Variants in ZBTB7C observed in about 807,000 individuals in gnomAD.
The protein encoded by ZBTB7C is zinc finger and BTB domain containing 7C.
ZBTB7C carries 8 observed loss-of-function variants against 25.7 expected under a neutral mutation model. The ratio of observed to expected loss-of-function variants is 0.31; its 90% CI spans 0.18 to 0.56. The LOEUF is 0.56. Among genes scored for constraint, ZBTB7C ranks in the 20% least tolerant of loss-of-function variants. The pLI is 0.91. For synonymous variants in ZBTB7C, 394 were observed against 369.0 expected, an observed-to-expected ratio of 1.07 and a Z score of -0.78; for missense variants, 824 against 855.2, an observed-to-expected ratio of 0.96 and a Z score of 0.46.
intron 3 of ZBTB7C, among the ~76,000 whole-genome samples, chr18:48,075,122 G>A (rs2037711401): frequency 6.6e-6 from 1 of 152,184 alleles, no homozygotes; most frequent in Non-Finnish European, 1.5e-5. Flanking sequence ...ACTTCCATGT[G>A]TTTTCTCAAC....
At chr18:48,174,818 T>G (rs1337022274) in intron 3 of ZBTB7C, among the ~76,000 whole-genome samples, 1 of 152,232 alleles carries the variant, frequency 6.6e-6, no homozygotes, top group East Asian at 1.9e-4. Context: ...CCTACCTATC[T>G]ATCTATATAT....
At chr18:48,311,223 C>T (rs1457052862) in intron 2 of ZBTB7C, among the ~76,000 whole-genome samples, 1 of 152,216 alleles carries the variant, frequency 6.6e-6, no homozygotes, top group Non-Finnish European at 1.5e-5. Flanking sequence ...TTCTCACCCC[C>T]TGCCTGCCCG....
At chr18:48,273,884 TA>T (rs1158018883) in intron 2 of ZBTB7C, among the ~76,000 whole-genome samples, 15 of 151,870 alleles carry the variant, frequency 9.9e-5, no homozygotes, top group Admixed American at 8.5e-4. Flanking sequence ...TTTTCCTTTT[TA>T]AAAAAAACAA....
chr18:48,166,085 AT>A (rs1304572781), intron 3 of ZBTB7C, among the ~76,000 whole-genome samples: 1 of 152,170 alleles, frequency 6.6e-6, no homozygotes, highest in Non-Finnish European at 1.5e-5. Context: ...ATATTTATAT[AT>A]GTGTAACATA....
chr18:48,096,269 A>C (rs1277990165), intron 3 of ZBTB7C, among the ~76,000 whole-genome samples: 1 of 152,204 alleles, frequency 6.6e-6, no homozygotes. Context: ...AGAGAGGAAG[A>C]AAACGGAATC....
chr18:48,110,857 G>T (rs569862228), intron 3 of ZBTB7C, among the ~76,000 whole-genome samples: 1 of 152,322 alleles, frequency 6.6e-6, no homozygotes, highest in South Asian at 2.1e-4. Context: ...GTTCTTGGGG[G>T]AGGGCATAGT....
chr18:48,162,231 C>T (rs1018243820), intron 3 of ZBTB7C: 5 of 393,648 alleles, frequency 1.3e-5, no homozygotes, highest in African/African-American at 1.0e-4. Flanking sequence ...TCCTTCCCTG[C>T]AGCCTTCTAC....
intron 1 of ZBTB7C, among the ~76,000 whole-genome samples, chr18:48,368,242 C>CAAAAAAAAAAAAAAAAAAAAAAAAAAA (rs780636646): frequency 1.0e-5 from 1 of 95,530 alleles, no homozygotes; most frequent in Non-Finnish European, 2.1e-5. Context: ...GAAAGCCTAG[C>CAAAAAAAAAAAAAAAAAAAAAAAAAAA]AAAAAAAAAA....
chr18:48,121,363 A>G (rs1224101737), intron 3 of ZBTB7C, among the ~76,000 whole-genome samples: 1 of 151,894 alleles, frequency 6.6e-6, no homozygotes, highest in Non-Finnish European at 1.5e-5. Context: ...GTGTGTCTCA[A>G]AACTTCTACA....
At chr18:48,386,007 G>A (rs2047739437) in intron 1 of ZBTB7C, among the ~76,000 whole-genome samples, 1 of 152,166 alleles carries the variant, frequency 6.6e-6, no homozygotes, top group African/African-American at 2.4e-5. Context: ...GAAGGCAGAG[G>A]TCTAAGACAC....
chr18:48,347,670 C>T (rs2046773224), intron 1 of ZBTB7C, among the ~76,000 whole-genome samples: 1 of 152,198 alleles, frequency 6.6e-6, no homozygotes, highest in Non-Finnish European at 1.5e-5. Flanking sequence ...TTCTCACCAA[C>T]CCTACCAAGA....
In ZBTB7C at chr18:48,029,104, G is replaced by C. The variant is rs541081527; in HGVS notation, c.*156C>G. ...GCAAAAGGAGGCAGCTGCTTTAGGA[G>C]CCCGGGAAAATGCCATCACTGATAG... On this transcript the variant is annotated 3_prime_UTR_variant, in exon 5 of 5. Coordinates refer to ENST00000590800, the MANE Select transcript of ZBTB7C (RefSeq NM_001318841.2). The C allele has an allele frequency of 6.9e-5, 78 of 1,129,084 alleles. No individual in the cohort carries two copies. In the Admixed American group the frequency reaches 1.2e-3, roughly 18 times the overall value. The allele number at this position is 1,129,084 out of a possible 1,614,324, so 69.9% of individuals were successfully genotyped here.
At chr18:48,286,998 A>G (rs2045076534) in intron 2 of ZBTB7C, among the ~76,000 whole-genome samples, 1 of 151,734 alleles carries the variant, frequency 6.6e-6, no homozygotes, top group Non-Finnish European at 1.5e-5. Context: ...TTGCAGGAAA[A>G]ACAAACAAAC....
At chr18:48,367,202 T>TATATATATATATATATATATACACACAC (rs1302394192) in intron 1 of ZBTB7C, among the ~76,000 whole-genome samples, 2 of 63,404 alleles carry the variant, frequency 3.2e-5, no homozygotes, top group African/African-American at 6.1e-5. Flanking sequence ...TATATATATA[T>TATATATATATATATATATATACACACAC]ACACACACAC....
intron 3 of ZBTB7C, among the ~76,000 whole-genome samples, chr18:48,133,282 G>T (rs1161675207): frequency 2.6e-5 from 4 of 152,224 alleles, no homozygotes; most frequent in Non-Finnish European, 5.9e-5. Flanking sequence ...GGATGAAGTG[G>T]AAGGAGGCCC....
At chr18:48,121,397 CTCTTT>C (rs1346418686) in intron 3 of ZBTB7C, among the ~76,000 whole-genome samples, 1 of 93,278 alleles carries the variant, frequency 1.1e-5, no homozygotes, top group East Asian at 2.8e-4. Context: ...TGGCTTAATA[CTCTTT>C]TTTTTTTTTT....
At position 48,392,840 on chromosome 18, in the gene ZBTB7C, G is replaced by A. The variant is rs1007581470; in HGVS notation, c.-304+16386C>T. 1.8e-4 allele frequency among the ~76,000 whole-genome samples: 28 copies of A among 152,126 alleles called. 1 individual carries two copies. Among genetic ancestry groups the A allele is most frequent in the Admixed American group, 1.6e-3 (25 of 15,286 alleles). ...TCTGACCTCTTCCTCCAATGCCCAC[G>A]CTAGGGTCATTCTGGCAGGACAGTG... On this transcript the variant is annotated intron_variant, in intron 1 of 4. Coordinates refer to ENST00000590800, the MANE Select transcript of ZBTB7C (RefSeq NM_001318841.2).
In ZBTB7C at chr18:48,029,434, C is replaced by T. The variant is rs2035634503; in HGVS notation, c.1686G>A (p.Ala562=). ...EETQMKLFGR[A]QLEAERNAGG... The stretch of plus-strand genomic sequence containing the variant: ...CCGCGTTCCTCTCAGCCTCCAGCTG[C>T]GCGCGCCCGAACAGCTTCATCTGTG... Residue 562 remains alanine, a synonymous_variant, in exon 5 of 5, where the codon GCG becomes GCA. Transcript: ENST00000590800. 1.4e-5 allele frequency: 23 copies of T among 1,590,606 alleles called. No individual in the cohort carries two copies. The highest frequency in any genetic ancestry group is 2.0e-5 in the Non-Finnish European group (23 of 1,172,234).
rs147920652 is a variant in ZBTB7C, at chr18:48,348,449, A to G, written c.-303-10051T>C. On this transcript the variant is annotated intron_variant, in intron 1 of 4. Coordinates refer to ENST00000590800, the MANE Select transcript of ZBTB7C (RefSeq NM_001318841.2). ...ACTGCCACACTTCCCTGCAGTCCAC[A>G]GTTCCCCACTAGGGCAAGGACCATG... Among the ~76,000 whole-genome samples, 462 of 152,302 alleles carry G rather than the reference A, an allele frequency of 3.0e-3. 4 individuals are homozygous for G. Among genetic ancestry groups the G allele is most frequent in the African/African-American group, 0.01 (434 of 41,560 alleles).
Sources: gnomAD v4.1 joint callset for allele counts (sites outside exome capture counted in the v4.1 genomes callset) on GRCh38, gnomAD v4.1.1 for gene constraint, MANE v1.5 for transcripts, NCBI Gene and HGNC (gene_info 2026-07-23, HGNC 2026-07-21) for gene names.